The following ANKRD44 variants were observed in gnomAD, a reference collection of about 807,000 sequenced individuals.
The protein encoded by ANKRD44 is serine/threonine-protein phosphatase 6 regulatory ankyrin repeat subunit B.
A neutral mutation model predicts 116.0 loss-of-function variants in ANKRD44; 35 were observed. The ratio of observed to expected loss-of-function variants is 0.30; its 90% CI spans 0.23 to 0.40. ANKRD44 has a LOEUF of 0.40. Ranked by LOEUF, ANKRD44 falls within the 10% of genes least tolerant of loss-of-function variation. ANKRD44 has a pLI of 1.00. For missense variants in ANKRD44, 1,014 were observed against 1,242.6 expected (o/e 0.82, Z 2.77); for synonymous variants, 435 against 461.8 (o/e 0.94, Z 0.74).
chr2:197,296,893 C>T (rs919107163), intron 1 of ANKRD44, among the ~76,000 whole-genome samples: 4 of 152,158 alleles, frequency 2.6e-5, no homozygotes, highest in East Asian at 1.9e-4. Flanking sequence ...TGTTTTCTAC[C>T]GTTATAAATT....
chr2:197,113,726 C>T (rs1289572828), intron 8 of ANKRD44, among the ~76,000 whole-genome samples: 1 of 152,180 alleles, frequency 6.6e-6, no homozygotes, highest in East Asian at 1.9e-4. Flanking sequence ...AGTGCTTGTG[C>T]ACTTGTAAAG....
chr2:197,004,988 C>T (rs1382616489), intron 21 of ANKRD44, among the ~76,000 whole-genome samples: 2 of 151,934 alleles, frequency 1.3e-5, no homozygotes, highest in Non-Finnish European at 2.9e-5. Flanking sequence ...AATTTAAACA[C>T]CAACAAAAAA....
intron 6 of ANKRD44, 107 bp from the exon 7 acceptor site, chr2:197,122,899 G>C: frequency 2.9e-6 from 4 of 1,370,554 alleles, no homozygotes; most frequent in Non-Finnish European, 3.9e-6. Context: ...CCAGTATTTT[G>C]CTGAGTTATT....
chr2:197,009,907 C>T (rs2076266967), intron 18 of ANKRD44, among the ~76,000 whole-genome samples: 1 of 152,076 alleles, frequency 6.6e-6, no homozygotes, highest in African/African-American at 2.4e-5. Context: ...TAATCTCTCC[C>T]CACTAGTCAG....
intron 1 of ANKRD44, among the ~76,000 whole-genome samples, chr2:197,190,902 C>T (rs1368225422): frequency 6.6e-6 from 1 of 152,124 alleles, no homozygotes; most frequent in East Asian, 1.9e-4. Context: ...CACATTTTAG[C>T]ACTAGCATAT....
At chr2:196,996,407 G>A (rs2076012071) in intron 25 of ANKRD44, among the ~76,000 whole-genome samples, 3 of 152,184 alleles carry the variant, frequency 2.0e-5, no homozygotes, top group African/African-American at 7.2e-5. Context: ...TGAGACTACT[G>A]GTACCATATA....
intron 16 of ANKRD44, among the ~76,000 whole-genome samples, chr2:197,041,674 T>C (rs1011614092): frequency 1.4e-4 from 22 of 152,172 alleles, no homozygotes; most frequent in African/African-American, 5.3e-4. Flanking sequence ...TCCTTCCTGC[T>C]TAGAATTTTT....
intron 16 of ANKRD44, among the ~76,000 whole-genome samples, chr2:197,025,664 C>A (rs2076577838): frequency 6.6e-6 from 1 of 152,112 alleles, no homozygotes; most frequent in South Asian, 2.1e-4. Context: ...AATAAGAAAA[C>A]ATTTGGAAAT....
intron 3 of ANKRD44, among the ~76,000 whole-genome samples, chr2:197,143,648 G>A (rs1178828728): frequency 6.6e-6 from 1 of 151,906 alleles, no homozygotes; most frequent in Non-Finnish European, 1.5e-5. Context: ...GTGAATAGTG[G>A]AGATGGAGTC....
At chr2:197,210,470 C>T (rs573821213) in intron 1 of ANKRD44, among the ~76,000 whole-genome samples, 12 of 152,324 alleles carry the variant, frequency 7.9e-5, no homozygotes, top group Admixed American at 4.6e-4. Flanking sequence ...ATTTCTCTGA[C>T]GCCAAAGCTT....
chr2:197,171,888 AT>A (rs1315470075), intron 2 of ANKRD44, among the ~76,000 whole-genome samples: 1 of 152,168 alleles, frequency 6.6e-6, no homozygotes, highest in Non-Finnish European at 1.5e-5. Flanking sequence ...TAGAAATTCA[AT>A]TAAAAGGTTT....
At chr2:197,305,756 G>T (rs2084050028) in intron 1 of ANKRD44, among the ~76,000 whole-genome samples, 1 of 152,046 alleles carries the variant, frequency 6.6e-6, no homozygotes, top group Admixed American at 6.5e-5. Context: ...AGAGAACACA[G>T]ATATCAGCTA....
At position 197,121,529 on chromosome 2, in the gene ANKRD44, C is replaced by T. The variant is rs1452045628; in HGVS notation, c.709G>A (p.Val237Ile). The change falls in exon 8 of 28, where the codon GTC becomes ATC. Residue 237 changes from valine to isoleucine, a missense_variant. By Grantham distance (29) the Val-to-Ile change is conservative. Coordinates refer to ENST00000282272, the MANE Select transcript of ANKRD44 (RefSeq NM_001195144.2). The stretch of plus-strand genomic sequence containing the variant: ...ATGTGAAGCGCTGTATTTCCATAGA[C>T]ATTGATTTCATCAATCTGCAAAAGA... The part of the protein sequence containing the change: ...NLGVEIDEIN[V>I]YGNTALHIAC... 3 of 1,613,934 alleles carry T rather than the reference C, an allele frequency of 1.9e-6. No homozygotes were observed. Among genetic ancestry groups the T allele is most frequent in the African/African-American group, 2.7e-5 (2 of 74,920 alleles).
At chr2:196,997,734 C>T (rs1221743663) in intron 25 of ANKRD44, among the ~76,000 whole-genome samples, 1 of 151,954 alleles carries the variant, frequency 6.6e-6, no homozygotes, top group African/African-American at 2.4e-5. Context: ...TAGGTATGAG[C>T]CACTGCTCCC....
At chr2:197,256,287 T>C (rs940788408) in intron 1 of ANKRD44, among the ~76,000 whole-genome samples, 12 of 152,218 alleles carry the variant, frequency 7.9e-5, no homozygotes, top group African/African-American at 2.9e-4. Context: ...TGACAACAGT[T>C]AAAACTAGAT....
chr2:197,068,897 T>C (rs13010585), intron 16 of ANKRD44, among the ~76,000 whole-genome samples: 77,365 of 152,090 alleles, frequency 0.51, 23,773 homozygotes, highest in East Asian at 0.85. Flanking sequence ...TGGCGATTCC[T>C]CGAGGATCTA....
chr2:197,025,254 G>C lies in ANKRD44; in HGVS notation c.1664C>G (p.Thr555Arg), dbSNP rs1385809700. 3.1e-6 allele frequency: 5 copies of C among 1,611,040 alleles called. No homozygotes were observed. The highest frequency in any genetic ancestry group is 4.2e-6 in the Non-Finnish European group (5 of 1,177,628). Residue 555 changes from threonine to arginine, a missense_variant, in exon 17 of 28, where the codon ACA (threonine) becomes AGA (arginine). Coordinates refer to ENST00000282272, the MANE Select transcript of ANKRD44 (RefSeq NM_001195144.2). ...RQCLELLLER[T>R]NSGFEESDSG... The stretch of plus-strand genomic sequence containing the variant: ...ATCTGATTCTTCAAATCCACTGTTT[G>C]TTCTTTCCAAAAGCTGTGGAGACAA...
chr2:197,289,447 A>C (rs535709087), intron 1 of ANKRD44, among the ~76,000 whole-genome samples: 1 of 152,340 alleles, frequency 6.6e-6, no homozygotes, highest in South Asian at 2.1e-4. Context: ...AATTATTCAT[A>C]ATAGATAAAT....
chr2:196,995,689 A>G (rs1430005200), intron 25 of ANKRD44, among the ~76,000 whole-genome samples: 2 of 152,176 alleles, frequency 1.3e-5, no homozygotes, highest in Non-Finnish European at 2.9e-5. Flanking sequence ...TCTGATCTAA[A>G]ATATTAATAC....
Sources: allele counts gnomAD v4.1 joint callset (sites outside exome capture counted in the v4.1 genomes callset), GRCh38; gene constraint gnomAD v4.1.1; transcripts MANE v1.5; gene names NCBI Gene and HGNC (gene_info 2026-07-23, HGNC 2026-07-21).